The following FHIT variants were observed in gnomAD, a reference collection of about 807,000 sequenced individuals.
The protein encoded by FHIT is bis(5'-adenosyl)-triphosphatase.
A neutral mutation model predicts 17.9 loss-of-function variants in FHIT; 19 were observed. The ratio of observed to expected loss-of-function variants is 1.06; its 90% CI spans 0.74 to 1.56. The LOEUF (loss-of-function observed/expected upper bound fraction) is 1.56. Ranked by LOEUF, FHIT falls within the 40% of genes most tolerant of loss-of-function variation. The probability of loss-of-function intolerance (pLI) is 0.00; values close to 1 mark genes in which losing one functional copy is unlikely to be tolerated. For synonymous variants in FHIT, 81 were observed against 69.7 expected, an observed-to-expected ratio of 1.16 and a Z score of -0.81; for missense variants, 248 against 189.2, an observed-to-expected ratio of 1.31 and a Z score of -1.82.
Position 60,131,917 on chromosome 3 carries a change from C to T in FHIT, c.104-117765G>A, listed in dbSNP as rs113662376. On this transcript the variant is annotated intron_variant, in intron 5 of 9. Transcript: ENST00000492590. The stretch of plus-strand genomic sequence containing the variant: ...TCAGAAATAAAATCTGAACTCCCTT[C>T]CACTGTTTCAGAGGCCCACTCTCAA... 2.0e-3 allele frequency among the ~76,000 whole-genome samples: 306 copies of T among 152,258 alleles called. 1 individual carries two copies. Among genetic ancestry groups the T allele is most frequent in the African/African-American group, 6.9e-3 (287 of 41,556 alleles).
chr3:60,130,746 G>A (rs757276733), intron 5 of FHIT, among the ~76,000 whole-genome samples: 1 of 46,978 alleles, frequency 2.1e-5, no homozygotes, highest in African/African-American at 1.0e-4. Context: ...CTGAATAGGG[G>A]TGTGTGTGTG....
intron 5 of FHIT, among the ~76,000 whole-genome samples, chr3:60,426,937 G>C (rs1450405621): frequency 6.6e-6 from 1 of 152,004 alleles, no homozygotes; most frequent in East Asian, 1.9e-4. Flanking sequence ...GCAACACTTG[G>C]GTAAGACGGA....
At chr3:60,751,355 G>T (rs565059410) in intron 4 of FHIT, among the ~76,000 whole-genome samples, 42 of 152,270 alleles carry the variant, frequency 2.8e-4, no homozygotes, top group African/African-American at 9.9e-4. Flanking sequence ...ATGTTGCATT[G>T]TTCTCAAATA....
intron 8 of FHIT, among the ~76,000 whole-genome samples, chr3:59,753,622 A>C (rs1174196938): frequency 2.0e-5 from 3 of 152,216 alleles, no homozygotes; most frequent in African/African-American, 7.2e-5. Flanking sequence ...GTTAAAAGTC[A>C]TTTGGGATTG....
At chr3:59,809,972 C>G (rs1485720) in intron 8 of FHIT, among the ~76,000 whole-genome samples, 1 of 152,070 alleles carries the variant, frequency 6.6e-6, no homozygotes, top group Admixed American at 6.5e-5. Context: ...CTGGTGGTTA[C>G]TAGGGGATAC....
At chr3:61,058,573 G>T (rs781239984) in intron 2 of FHIT, among the ~76,000 whole-genome samples, 1 of 152,124 alleles carries the variant, frequency 6.6e-6, no homozygotes, top group Non-Finnish European at 1.5e-5. Context: ...TTAAAAGTGT[G>T]CAGCACTTCC....
intron 5 of FHIT, among the ~76,000 whole-genome samples, chr3:60,107,999 C>A (rs939060372): frequency 2.0e-5 from 3 of 152,176 alleles, no homozygotes; most frequent in Non-Finnish European, 4.4e-5. Flanking sequence ...AAAGGACATT[C>A]AGAGTGGACA....
intron 2 of FHIT, among the ~76,000 whole-genome samples, chr3:61,057,645 C>T (rs921376487): frequency 6.6e-6 from 1 of 152,120 alleles, no homozygotes; most frequent in South Asian, 2.1e-4. Context: ...CTTCAGAACA[C>T]CCAGGCCATT....
intron 5 of FHIT, among the ~76,000 whole-genome samples, chr3:60,437,529 C>A (rs1227304455): frequency 6.6e-6 from 1 of 152,092 alleles, no homozygotes; most frequent in African/African-American, 2.4e-5. Flanking sequence ...GAGTTTACTA[C>A]ATCCTATGCA....
chr3:60,078,730 G>A (rs1703143317), intron 5 of FHIT, among the ~76,000 whole-genome samples: 1 of 152,012 alleles, frequency 6.6e-6, no homozygotes, highest in Non-Finnish European at 1.5e-5. Context: ...CATGTAACTT[G>A]CTTTCAAATA....
At chr3:60,298,025 T>C (rs536736301) in intron 5 of FHIT, among the ~76,000 whole-genome samples, 5 of 152,058 alleles carry the variant, frequency 3.3e-5, no homozygotes, top group Non-Finnish European at 5.9e-5. Context: ...TATGCAGATA[T>C]ACAACCAGAT....
chr3:60,808,175 AT>A (rs782195554), intron 4 of FHIT, among the ~76,000 whole-genome samples: 1 of 152,236 alleles, frequency 6.6e-6, no homozygotes, highest in African/African-American at 2.4e-5. Context: ...TCTGATGCTC[AT>A]TAATAGTCCC....
At chr3:60,023,368 G>A (rs1700620893) in intron 5 of FHIT, among the ~76,000 whole-genome samples, 1 of 152,222 alleles carries the variant, frequency 6.6e-6, no homozygotes, top group African/African-American at 2.4e-5. Flanking sequence ...TCACCAGTAT[G>A]TGAATGAGGG....
chr3:60,599,756 A>T (rs2038384103), intron 4 of FHIT, among the ~76,000 whole-genome samples: 1 of 151,978 alleles, frequency 6.6e-6, no homozygotes, highest in Non-Finnish European at 1.5e-5. Flanking sequence ...GTCCCACATC[A>T]ATGAGAATGC....
chr3:61,241,524 G>A (rs6802718), intron 1 of FHIT, among the ~76,000 whole-genome samples: 64,295 of 152,024 alleles, frequency 0.42, 16,540 homozygotes, highest in East Asian at 0.78. Flanking sequence ...TTAAATGACT[G>A]TAGATTGTAT....
chr3:60,341,469 G>GA (rs1710512551), intron 5 of FHIT, among the ~76,000 whole-genome samples: 1 of 152,158 alleles, frequency 6.6e-6, no homozygotes, highest in Non-Finnish European at 1.5e-5. Context: ...GATTGAATGA[G>GA]AAAAATGTGT....
intron 5 of FHIT, among the ~76,000 whole-genome samples, chr3:60,055,859 T>C (rs763557982): frequency 3.9e-5 from 6 of 152,180 alleles, no homozygotes; most frequent in Non-Finnish European, 8.8e-5. Flanking sequence ...ACACAAACTC[T>C]TTCTAGGCAG....
chr3:60,304,165 T>C (rs1256340246), intron 5 of FHIT, among the ~76,000 whole-genome samples: 2 of 152,126 alleles, frequency 1.3e-5, no homozygotes, highest in Admixed American at 1.3e-4. Context: ...AAAAGCAAAA[T>C]GAAACATTAC....
chr3:60,282,556 G>A (rs1340775608), intron 5 of FHIT, among the ~76,000 whole-genome samples: 1 of 152,110 alleles, frequency 6.6e-6, no homozygotes, highest in Non-Finnish European at 1.5e-5. Flanking sequence ...GAACTTTAAA[G>A]TAAAGTATGA....
Sources: allele counts gnomAD v4.1 joint callset (sites outside exome capture counted in the v4.1 genomes callset), GRCh38; gene constraint gnomAD v4.1.1; transcripts MANE v1.5; gene names NCBI Gene and HGNC (gene_info 2026-07-23, HGNC 2026-07-21).